The following ZBTB20 variants were observed in gnomAD, a reference collection of about 807,000 sequenced individuals.
The protein encoded by ZBTB20 is zinc finger and BTB domain containing 20, also known as zinc finger and BTB domain-containing protein 20.
ZBTB20 carries 9 observed loss-of-function variants against 56.9 expected under a neutral mutation model. The observed-to-expected ratio is 0.16, with a 90% CI of 0.10 to 0.28. The LOEUF (loss-of-function observed/expected upper bound fraction) is 0.28. ZBTB20 is among the 10% of genes least tolerant of loss of function. The pLI is 1.00. For synonymous variants in ZBTB20, 417 were observed against 420.7 expected, an observed-to-expected ratio of 0.99 and a Z score of 0.11; for missense variants, 655 against 1,003.0, an observed-to-expected ratio of 0.65 and a Z score of 4.69.
rs1296229211 is a variant in ZBTB20, at chr3:115,098,347, G to A, written c.-702-26933C>T. Among the ~76,000 whole-genome samples, 12 of 152,212 alleles carry A rather than the reference G, an allele frequency of 7.9e-5. No individual in the cohort carries two copies. In the East Asian group the frequency reaches 2.3e-3, roughly 29 times the overall value. The stretch of plus-strand genomic sequence containing the variant: ...ACAAGGCTAACACAGAAAATGACAG[G>A]TGCATGAGACATGTACACTTTTGAC... On this transcript the variant is annotated intron_variant, in intron 1 of 11. Coordinates refer to ENST00000675478, the MANE Select transcript of ZBTB20 (RefSeq NM_001348800.3).
Position 114,350,745 on chromosome 3 carries a change from C to T in ZBTB20, c.1333G>A (p.Val445Ile). The change falls in exon 11 of 12, where the codon GTT becomes ATT. Residue 445 changes from valine (V) to isoleucine (I), a missense_variant. Val to Ile is a conservative substitution (Grantham distance 29, BLOSUM62 3). Coordinates refer to ENST00000675478, the MANE Select transcript of ZBTB20 (RefSeq NM_001348800.3). The part of the protein sequence containing the change: ...RSNEVEMDST[V>I]ITVSNSSDKS... ...TCGGAGCTGTTGCTGACAGTGATAA[C>T]AGTGCTGTCCATCTCCACTTCATTG... 1.2e-6 allele frequency: 2 copies of T among 1,614,202 alleles called. No homozygotes were observed. The highest frequency in any genetic ancestry group is 8.5e-7 in the Non-Finnish European group (1 of 1,180,028).
At chr3:114,358,592 T>G (rs1325311756) in intron 10 of ZBTB20, among the ~76,000 whole-genome samples, 2 of 152,202 alleles carry the variant, frequency 1.3e-5, no homozygotes, top group Non-Finnish European at 2.9e-5. Context: ...TGCCTGATTT[T>G]ATGTTAAGTC....
rs79640117 is a variant in ZBTB20, at chr3:114,528,598, T to G, written c.-294-28207A>C. The G allele has an allele frequency of 1.8e-4, 27 of 152,196 alleles. 1 individual carries two copies. In the East Asian group the frequency reaches 5.0e-3, roughly 28 times the overall value. 9.4% of individuals were successfully genotyped at this position (152,196 alleles called of 1,614,324 possible). The stretch of plus-strand genomic sequence containing the variant: ...CATGGTTATTTCTACATATTTAAGG[T>G]TTAAAAATGCTCAAACTTATACTTT... On this transcript the variant is annotated intron_variant, in intron 6 of 11. Transcript: ENST00000675478.
At position 114,742,739 on chromosome 3, in the gene ZBTB20, A is replaced by G. The variant is rs900107395; in HGVS notation, c.-342-49164T>C. On this transcript the variant is annotated intron_variant, in intron 5 of 11. Coordinates refer to ENST00000675478, the MANE Select transcript of ZBTB20 (RefSeq NM_001348800.3). ...AGTGGTTTTTTAACCCTGATTGCACATTAGAAGCACCTGGCAAGCTTTTAA... is the reference window on the plus strand; with the variant it reads ...AGTGGTTTTTTAACCCTGATTGCACGTTAGAAGCACCTGGCAAGCTTTTAA... 3.9e-5 allele frequency among the ~76,000 whole-genome samples: 6 copies of G among 152,262 alleles called. No individual in the cohort carries two copies. The South Asian group carries it at 6.2e-4, about 16-fold the overall frequency.
chr3:114,563,965 G>A (rs2052409061), intron 6 of ZBTB20, among the ~76,000 whole-genome samples: 1 of 152,142 alleles, frequency 6.6e-6, no homozygotes, highest in Admixed American at 6.6e-5. Context: ...AGGTCAGAAA[G>A]TCCTAAAATC....
At chr3:114,550,521 C>T (rs1284146298) in intron 6 of ZBTB20, among the ~76,000 whole-genome samples, 5 of 152,174 alleles carry the variant, frequency 3.3e-5, no homozygotes, top group African/African-American at 1.2e-4. Flanking sequence ...TTCCTCTTCA[C>T]TTATGAAGGA....
At chr3:114,427,211 CTTGA>C (rs1301819368) in intron 7 of ZBTB20, among the ~76,000 whole-genome samples, 1 of 152,186 alleles carries the variant, frequency 6.6e-6, no homozygotes, top group Non-Finnish European at 1.5e-5. Flanking sequence ...CTCTCACCCT[CTTGA>C]TTGTTTAATA....
intron 3 of ZBTB20, among the ~76,000 whole-genome samples, chr3:114,945,345 T>C (rs1328714806): frequency 6.9e-6 from 1 of 144,974 alleles, no homozygotes; most frequent in Non-Finnish European, 1.5e-5. Context: ...AAAAATAAAG[T>C]ACACAGACAA....
At chr3:115,042,767 GAC>G (rs1213328759) in intron 2 of ZBTB20, among the ~76,000 whole-genome samples, 1 of 152,156 alleles carries the variant, frequency 6.6e-6, no homozygotes, top group Non-Finnish European at 1.5e-5. Context: ...TGTTAGGTAA[GAC>G]ACAATTAAAC....
intron 3 of ZBTB20, among the ~76,000 whole-genome samples, chr3:114,952,687 A>T (rs2077111185): frequency 6.6e-6 from 1 of 152,018 alleles, no homozygotes; most frequent in African/African-American, 2.4e-5. Flanking sequence ...AGAGAAAATC[A>T]CACATTATCT....
intron 3 of ZBTB20, among the ~76,000 whole-genome samples, chr3:114,951,627 A>C (rs1181604408): frequency 6.6e-6 from 1 of 152,140 alleles, no homozygotes; most frequent in Non-Finnish European, 1.5e-5. Flanking sequence ...TGTATCTTAC[A>C]ACCTGAACCT....
At chr3:114,953,117 T>C (rs536899965) in intron 3 of ZBTB20, among the ~76,000 whole-genome samples, 1 of 152,176 alleles carries the variant, frequency 6.6e-6, no homozygotes, top group South Asian at 2.1e-4. Context: ...TTGTAAGATT[T>C]CTACATTCTA....
intron 5 of ZBTB20, among the ~76,000 whole-genome samples, chr3:114,787,270 T>C (rs2070568969): frequency 1.3e-5 from 2 of 148,692 alleles, no homozygotes; most frequent in Admixed American, 1.4e-4. Context: ...GAGCTAACCA[T>C]ACCCAGCCAT....
chr3:114,695,848 G>A (rs2062975457), intron 5 of ZBTB20, among the ~76,000 whole-genome samples: 1 of 151,906 alleles, frequency 6.6e-6, no homozygotes, highest in Non-Finnish European at 1.5e-5. Context: ...TATAATACAT[G>A]TAGAGGAACC....
intron 7 of ZBTB20, among the ~76,000 whole-genome samples, chr3:114,452,841 C>T (rs1398715562): frequency 1.3e-5 from 2 of 152,044 alleles, no homozygotes; most frequent in Non-Finnish European, 1.5e-5. Flanking sequence ...AGGAATGGTA[C>T]ATAATATATA....
chr3:114,660,838 A>G (rs554321149), intron 6 of ZBTB20, among the ~76,000 whole-genome samples: 1 of 152,276 alleles, frequency 6.6e-6, no homozygotes, highest in South Asian at 2.1e-4. Context: ...GAAGAAAATG[A>G]ATAAATGAAA....
At chr3:114,784,121 A>AT (rs1291152268) in intron 5 of ZBTB20, among the ~76,000 whole-genome samples, 1 of 152,190 alleles carries the variant, frequency 6.6e-6, no homozygotes, top group African/African-American at 2.4e-5. Flanking sequence ...ACAATTCTAG[A>AT]TTTTTTAAAG....
At chr3:114,829,568 T>C (rs1396404302) in intron 4 of ZBTB20, among the ~76,000 whole-genome samples, 2 of 151,938 alleles carry the variant, frequency 1.3e-5, no homozygotes, top group Non-Finnish European at 2.9e-5. Context: ...GTACTGTTTC[T>C]ACTATTTCCT....
At chr3:114,780,488 C>T in intron 5 of ZBTB20, among the ~76,000 whole-genome samples, 1 of 152,010 alleles carries the variant, frequency 6.6e-6, no homozygotes, top group East Asian at 1.9e-4. Context: ...TGGTAACATC[C>T]TTCTCTTTTC....
Sources: allele counts gnomAD v4.1 joint callset (sites outside exome capture counted in the v4.1 genomes callset), GRCh38; gene constraint gnomAD v4.1.1; transcripts MANE v1.5; gene names NCBI Gene and HGNC (gene_info 2026-07-23, HGNC 2026-07-21).